Variants in CNTNAP2 observed in about 807,000 individuals in gnomAD.
CNTNAP2 encodes contactin associated protein 2, also known as contactin-associated protein-like 2.
In CNTNAP2, 98 loss-of-function variants were observed where a neutral mutation model predicts 155.2. The observed-to-expected ratio is 0.63, with a 90% CI of 0.54 to 0.75. CNTNAP2 has a LOEUF of 0.75. CNTNAP2 is among the 30% of genes least tolerant of loss of function. The probability of loss-of-function intolerance (pLI) is 0.00; values close to 1 mark genes in which losing one functional copy is unlikely to be tolerated. For synonymous variants in CNTNAP2, 651 were observed against 631.2 expected, an observed-to-expected ratio of 1.03 and a Z score of -0.47; for missense variants, 1,727 against 1,688.1, an observed-to-expected ratio of 1.02 and a Z score of -0.40.
At chr7:148,268,439 G>A (rs1173219691) in intron 21 of CNTNAP2, among the ~76,000 whole-genome samples, 1 of 151,924 alleles carries the variant, frequency 6.6e-6, no homozygotes, top group Non-Finnish European at 1.5e-5. Context: ...AGATCACGAG[G>A]TCAGGAGATC....
rs529618920 is a variant in CNTNAP2 at position 146,425,338 on chromosome 7, C to T, written c.97+308365C>T. ...AAGTCCCCATTACCTGAACTGTTGCCATAAAGCTCCTAGGAAAGTAGAAAA... is the reference window on the plus strand; with the variant it reads ...AAGTCCCCATTACCTGAACTGTTGCTATAAAGCTCCTAGGAAAGTAGAAAA... On this transcript the variant is annotated intron_variant, in intron 1 of 23. Transcript: ENST00000361727. Among the ~76,000 whole-genome samples, 10 of 152,236 alleles carry T rather than the reference C, an allele frequency of 6.6e-5. No individual in the cohort carries two copies. The South Asian group carries it at 1.9e-3, about 28-fold the overall frequency.
At chr7:146,580,034 C>T (rs1241295099) in intron 1 of CNTNAP2, among the ~76,000 whole-genome samples, 1 of 152,080 alleles carries the variant, frequency 6.6e-6, no homozygotes, top group Non-Finnish European at 1.5e-5. Context: ...TTTCCCCTCA[C>T]CTAACCAATT....
intron 15 of CNTNAP2, among the ~76,000 whole-genome samples, chr7:147,985,542 T>G (rs1801605336): frequency 6.7e-6 from 1 of 150,202 alleles, no homozygotes; most frequent in Non-Finnish European, 1.5e-5. Flanking sequence ...AAAAAAAGGA[T>G]AGGTGACAAA....
chr7:148,369,643 C>T (rs62470649), intron 21 of CNTNAP2, among the ~76,000 whole-genome samples: 21 of 143,460 alleles, frequency 1.5e-4, no homozygotes, highest in African/African-American at 2.6e-4. Flanking sequence ...TGTTCTTTAT[C>T]ATTATTATTA....
At chr7:147,667,906 G>A (rs999340740) in intron 13 of CNTNAP2, among the ~76,000 whole-genome samples, 12 of 152,146 alleles carry the variant, frequency 7.9e-5, no homozygotes. Context: ...TGGGCTTGGG[G>A]TGGTGTCACT....
chr7:146,196,506 G>A (rs938608796), intron 1 of CNTNAP2, among the ~76,000 whole-genome samples: 11 of 151,518 alleles, frequency 7.3e-5, no homozygotes, highest in African/African-American at 2.7e-4. Context: ...TTTAAGGTAA[G>A]CCCAAGACTA....
intron 13 of CNTNAP2, among the ~76,000 whole-genome samples, chr7:147,775,284 A>AATATATTTATATATATTTATAAAT (rs1797551402): frequency 1.2e-5 from 1 of 81,052 alleles, no homozygotes; most frequent in Non-Finnish European, 2.2e-5. Flanking sequence ...TATATTTATA[A>AATATATTTATATATATTTATAAAT]ATATATATAT....
intron 8 of CNTNAP2, among the ~76,000 whole-genome samples, chr7:147,273,605 G>A (rs1804813850): frequency 6.6e-6 from 1 of 151,802 alleles, no homozygotes; most frequent in Non-Finnish European, 1.5e-5. Flanking sequence ...GTAAGAACAT[G>A]AAGTATTTGA....
At chr7:148,093,945 A>G (rs1803906396) in intron 15 of CNTNAP2, among the ~76,000 whole-genome samples, 1 of 152,064 alleles carries the variant, frequency 6.6e-6, no homozygotes, top group Non-Finnish European at 1.5e-5. Flanking sequence ...TTTTGTAGAG[A>G]CAGGATTTCG....
At chr7:148,022,970 C>T (rs529799548) in intron 15 of CNTNAP2, among the ~76,000 whole-genome samples, 10 of 152,218 alleles carry the variant, frequency 6.6e-5, no homozygotes, top group Admixed American at 2.6e-4. Flanking sequence ...AATATCTCAT[C>T]GGCAGTAATA....
chr7:146,279,189 C>T (rs1800210322), intron 1 of CNTNAP2, among the ~76,000 whole-genome samples: 1 of 151,992 alleles, frequency 6.6e-6, no homozygotes. Context: ...CACCTCTGTA[C>T]CTAACCTAAA....
chr7:148,170,081 G>C (rs1805750969), intron 17 of CNTNAP2, among the ~76,000 whole-genome samples: 1 of 152,182 alleles, frequency 6.6e-6, no homozygotes, highest in African/African-American at 2.4e-5. Flanking sequence ...AATGAAAAAG[G>C]CTGTTCCCTA....
At chr7:147,358,489 A>G (rs566106103) in intron 9 of CNTNAP2, among the ~76,000 whole-genome samples, 1 of 152,166 alleles carries the variant, frequency 6.6e-6, no homozygotes, top group Non-Finnish European at 1.5e-5. Context: ...AACATAGCTG[A>G]GTAATAGGTT....
chr7:147,101,164 G>A (rs1800644734), intron 4 of CNTNAP2, among the ~76,000 whole-genome samples: 1 of 152,208 alleles, frequency 6.6e-6, no homozygotes, highest in Non-Finnish European at 1.5e-5. Flanking sequence ...CTAAAAATGA[G>A]CCTGGACGGG....
intron 13 of CNTNAP2, among the ~76,000 whole-genome samples, chr7:147,690,999 A>G (rs1322559368): frequency 1.3e-5 from 2 of 152,150 alleles, no homozygotes; most frequent in Non-Finnish European, 2.9e-5. Flanking sequence ...TTAAGTCCAA[A>G]TCCAAAATAA....
At chr7:146,951,281 A>C (rs866850015) in intron 3 of CNTNAP2, among the ~76,000 whole-genome samples, 4 of 152,206 alleles carry the variant, frequency 2.6e-5, no homozygotes, top group Admixed American at 6.5e-5. Context: ...TTTGCTGTGC[A>C]CAAGCTCTTT....
At chr7:146,965,292 A>G (rs1178659631) in intron 3 of CNTNAP2, among the ~76,000 whole-genome samples, 2 of 152,110 alleles carry the variant, frequency 1.3e-5, no homozygotes, top group African/African-American at 2.4e-5. Context: ...CACCCATCTC[A>G]CAGTCTTTGG....
chr7:146,327,450 C>A (rs909071275), intron 1 of CNTNAP2, among the ~76,000 whole-genome samples: 3 of 152,188 alleles, frequency 2.0e-5, no homozygotes, highest in Admixed American at 6.5e-5. Flanking sequence ...AACACAAATT[C>A]TCTTCTGTTC....
intron 1 of CNTNAP2, among the ~76,000 whole-genome samples, chr7:146,329,732 G>T (rs1357755928): frequency 6.6e-6 from 1 of 151,962 alleles, no homozygotes; most frequent in African/African-American, 2.4e-5. Flanking sequence ...TAACACATCG[G>T]TATTACTGCA....
Sources: gnomAD v4.1 joint callset for allele counts (sites outside exome capture counted in the v4.1 genomes callset) on GRCh38, gnomAD v4.1.1 for gene constraint, MANE v1.5 for transcripts, NCBI Gene and HGNC (gene_info 2026-07-23, HGNC 2026-07-21) for gene names.